POLR2E: variants seen among roughly 807,000 people sequenced by gnomAD.
POLR2E encodes the protein RNA polymerase II, I and III subunit E.
POLR2E carries 35 observed loss-of-function variants against 29.8 expected under a neutral mutation model. That is an observed-to-expected ratio of 1.17 (90% CI 0.90 to 1.55). The LOEUF is 1.55. POLR2E is among the 40% of genes most tolerant of loss of function. The pLI is 0.00. For missense variants in POLR2E, 287 were observed against 288.6 expected (o/e 0.99, Z 0.04); for synonymous variants, 174 against 112.6 (o/e 1.55, Z -3.45).
chr19:1,094,182 A>T (rs1351575941), intron 1 of POLR2E, 104 bp from the exon 2 acceptor site: 11 of 1,054,104 alleles, frequency 1.0e-5, no homozygotes, highest in Admixed American at 2.6e-5. Context: ...GACAGAGGTG[A>T]ACAGCAAACG....
rs2043892955 is a variant in POLR2E, at chr19:1,094,010, G to A, written c.126C>T (p.Ala42=). 8 of 1,613,788 alleles carry A rather than the reference G, an allele frequency of 5.0e-6. No individual in the cohort carries two copies. The highest frequency in any genetic ancestry group is 6.8e-6 in the Non-Finnish European group (8 of 1,179,920). Reference sequence around the variant, plus strand: ...CCTCACTCGGCTTGTCCCCAGATTGGGCTTTGAACTCCTCCAGGGTCTGGT... The same window carrying A: ...CCTCACTCGGCTTGTCCCCAGATTGAGCTTTGAACTCCTCCAGGGTCTGGT... The part of the protein sequence containing the change: ...ELDQTLEEFK[A]QSGDKPSEGR... Residue 42 remains alanine, a synonymous_variant, in exon 2 of 8, where the codon GCC becomes GCT. Transcript: ENST00000615234.
At position 1,090,111 on chromosome 19, in the gene POLR2E, T is replaced by A. The variant is rs1183728535; in HGVS notation, c.464A>T (p.Glu155Val). The change falls in exon 5 of 8, where the codon GAG becomes GTG. Residue 155 changes from glutamate to valine, a missense_variant. Physicochemically the swap from Glu to Val is moderately radical, Grantham distance 121. Transcript: ENST00000615234. The stretch of plus-strand genomic sequence containing the variant: ...CTATCGGGCCAGCAGCTCTGTCACC[T>A]CCTCCTTGGTCATGACGACGTGCTC... ...VPEHVVMTKE[E>V]VTELLARYKL... 2 of 1,612,240 alleles carry A rather than the reference T, an allele frequency of 1.2e-6. No individual in the cohort carries two copies. The highest frequency in any genetic ancestry group is 1.3e-5 in the African/African-American group (1 of 74,772).
In POLR2E at chr19:1,088,215, C is replaced by T. The variant is rs927292646; in HGVS notation, c.*520G>A. 1 of 152,400 alleles carries T rather than the reference C, an allele frequency of 6.6e-6. No individual in the cohort carries two copies. The highest frequency in any genetic ancestry group is 1.5e-5 in the Non-Finnish European group (1 of 68,062). 9.4% of individuals were successfully genotyped at this position (152,400 alleles called of 1,614,324 possible). The stretch of plus-strand genomic sequence containing the variant: ...TCAAAACATCTTTACCATTTGAAAA[C>T]ACCCAACCTCCTACAACAACCGAGA... On this transcript the variant is annotated 3_prime_UTR_variant, in exon 8 of 8. Transcript: ENST00000615234.
intron 1 of POLR2E, chr19:1,095,019 G>A: frequency 8.2e-6 from 3 of 367,798 alleles, no homozygotes; most frequent in South Asian, 3.6e-5. Flanking sequence ...ACCAGCCCAA[G>A]CCGCCCACCC....
chr19:1,091,774 TG>T lies in POLR2E; in HGVS notation c.348+17del. On this transcript the variant is annotated intron_variant, in intron 3 of 7. Transcript: ENST00000615234. ...TGGGGAGGGGGAGAGGCTGGCGGGG[TG>T]GGGCAGGGGTGCCCACCTGCTTGGC... The T allele has an allele frequency of 8.0e-7, 1 of 1,245,664 alleles. No homozygotes were observed. Among genetic ancestry groups the T allele is most frequent in the Non-Finnish European group, 1.1e-6 (1 of 930,194 alleles). The allele number at this position is 1,245,664 out of a possible 1,614,324, so 77.2% of individuals were successfully genotyped here.
chr19:1,091,924 T>C lies in POLR2E; in HGVS notation c.233-17A>G, dbSNP rs776943926. 1.3e-6 allele frequency: 2 copies of C among 1,571,952 alleles called. No homozygotes were observed. Among genetic ancestry groups the C allele is most frequent in the South Asian group, 2.2e-5 (2 of 90,286 alleles). ...TGGGCTCCTCTGCAGACAGAGAGTG[T>C]GCTGGCCTGCACGAGCCTGGGCCCT... On this transcript the variant is annotated splice_polypyrimidine_tract_variant and intron_variant, in intron 2 of 7. Transcript: ENST00000615234.
chr19:1,090,021 T>TGG (rs61585798), intron 5 of POLR2E, 59 bp from the exon 6 acceptor site: 5 of 1,358,308 alleles, frequency 3.7e-6, no homozygotes, highest in African/African-American at 1.5e-5. Context: ...GGGGTGTGTG[T>TGG]GGGGGGGGAA....
At position 1,090,170 on chromosome 19, in the gene POLR2E, C is replaced by CA. The variant is rs1453151069; in HGVS notation, c.430-26dup. ...GCTGCCGAGAGAGGAAGCCACCAGG[C>CA]ATCACCAAGGGCTGGTGAGACCCCA... On this transcript the variant is annotated intron_variant, in intron 4 of 7. Transcript: ENST00000615234. The CA allele has an allele frequency of 1.9e-6, 3 of 1,609,876 alleles. No homozygotes were observed. The Admixed American group carries it at 5.0e-5, about 27-fold the overall frequency.
In POLR2E at chr19:1,091,839, G is replaced by C; in HGVS notation, c.301C>G (p.Arg101Gly). 3 of 1,612,998 alleles carry C rather than the reference G, an allele frequency of 1.9e-6. No individual in the cohort carries two copies. The highest frequency in any genetic ancestry group is 2.5e-6 in the Non-Finnish European group (3 of 1,179,760). The change falls in exon 3 of 8, where the codon CGG becomes GGG. Residue 101 changes from arginine to glycine, a missense_variant. Coordinates refer to ENST00000615234, the MANE Select transcript of POLR2E (RefSeq NM_002695.5). ...CCCTGCTGCACCACGATGAGAGCCC[G>C]TGTGATGTTCTCCTCCTGCATGCGC... is the stretch of plus-strand genomic sequence containing the variant. ...CQRMQEENIT[R>G]ALIVVQQGMT... is the part of the protein sequence containing the mutation.
intron 2 of POLR2E, among the ~76,000 whole-genome samples, chr19:1,092,697 A>G (rs1599795683): frequency 6.6e-6 from 1 of 151,606 alleles, no homozygotes; most frequent in Non-Finnish European, 1.5e-5. Context: ...CAAAAAAATT[A>G]ATTAATTAAT....
At position 1,090,249 on chromosome 19, in the gene POLR2E, T is replaced by C. The variant is rs2043800043; in HGVS notation, c.430-104A>G. The C allele has an allele frequency of 1.7e-5, 16 of 962,872 alleles. No homozygotes were observed. The South Asian group carries it at 2.2e-4, about 13-fold the overall frequency. The allele number at this position is 962,872 out of a possible 1,614,324, so 59.6% of individuals were successfully genotyped here. ...TGCGCCTTCAGACGGACAAGAGCCC[T>C]GAACCCCACCCCGATCCCCGGCACT... On this transcript the variant is annotated intron_variant, in intron 4 of 7. Transcript: ENST00000615234.
rs940788935 is a variant in POLR2E, at chr19:1,087,586, A to G, written c.*1149T>C. Reference sequence around the variant, plus strand: ...TCCCGGGAACCCCCATCCTACTTCCAGTCTCTGACGACTCTAGTGACCTCC... The same window carrying G: ...TCCCGGGAACCCCCATCCTACTTCCGGTCTCTGACGACTCTAGTGACCTCC... On this transcript the variant is annotated 3_prime_UTR_variant, in exon 8 of 8. Coordinates refer to ENST00000615234, the MANE Select transcript of POLR2E (RefSeq NM_002695.5). The G allele has an allele frequency of 1.3e-5, 2 of 150,488 alleles. No individual in the cohort carries two copies. The highest frequency in any genetic ancestry group is 4.9e-5 in the African/African-American group (2 of 40,968). The allele number at this position is 150,488 out of a possible 1,614,324, so 9.3% of individuals were successfully genotyped here. A position where few individuals can be genotyped will look rare whatever the true frequency, so the allele number is the denominator to read the frequency against.
At chr19:1,090,628 C>G (rs2043809235) in intron 4 of POLR2E, among the ~76,000 whole-genome samples, 1 of 151,980 alleles carries the variant, frequency 6.6e-6, no homozygotes, top group Non-Finnish European at 1.5e-5. Context: ...CCGTGTTAGC[C>G]AGGATGGTCT....
intron 6 of POLR2E, 93 bp from the exon 7 acceptor site, chr19:1,089,644 C>A: frequency 9.0e-7 from 1 of 1,113,310 alleles, no homozygotes; most frequent in Non-Finnish European, 1.4e-6. Context: ...TGGGGATGGC[C>A]GGCAGGGGTC....
chr19:1,093,985 C>T lies in POLR2E; in HGVS notation c.151G>A (p.Gly51Arg). The change falls in exon 2 of 8, where the codon GGG (glycine) becomes AGG (arginine). Residue 51 changes from glycine to arginine, a missense_variant. Gly to Arg is a moderately radical substitution (Grantham distance 125, BLOSUM62 -2). Transcript: ENST00000615234. ...KAQSGDKPSEGRPRRTDLTVL... is the reference protein window; with the variant it reads ...KAQSGDKPSERRPRRTDLTVL... ...GTGAGGTCCGTGCGCCGCGGCCGCC[C>T]CTCACTCGGCTTGTCCCCAGATTGG... 1 of 1,613,786 alleles carries T rather than the reference C, an allele frequency of 6.2e-7. No homozygotes were observed. Among genetic ancestry groups the T allele is most frequent in the Non-Finnish European group, 8.5e-7 (1 of 1,179,910 alleles).
Position 1,089,976 on chromosome 19 carries a change from T to A in POLR2E, c.489-14A>T, listed in dbSNP as rs1467675976. 1 of 1,491,672 alleles carries A rather than the reference T, an allele frequency of 6.7e-7. No homozygotes were observed. The highest frequency in any genetic ancestry group is 1.8e-5 in the Admixed American group (1 of 54,138). 92.4% of individuals were successfully genotyped at this position (1,491,672 alleles called of 1,614,324 possible). On this transcript the variant is annotated splice_polypyrimidine_tract_variant and intron_variant, in intron 5 of 7. Coordinates refer to ENST00000615234, the MANE Select transcript of POLR2E (RefSeq NM_002695.5). Reference sequence around the variant, plus strand: ...TCTCGGAGCTTACTGCGAAGCACCGTCAGGAAAATGCCAGACAGGGCCGTT... The same window carrying A: ...TCTCGGAGCTTACTGCGAAGCACCGACAGGAAAATGCCAGACAGGGCCGTT...
At position 1,093,992 on chromosome 19, in the gene POLR2E, C is replaced by A. The variant is rs370164381; in HGVS notation, c.144G>T (p.Pro48=). 3 of 1,613,728 alleles carry A rather than the reference C, an allele frequency of 1.9e-6. No homozygotes were observed. Among genetic ancestry groups the A allele is most frequent in the Non-Finnish European group, 2.5e-6 (3 of 1,179,950 alleles). The stretch of plus-strand genomic sequence containing the variant: ...CCGTGCGCCGCGGCCGCCCCTCACT[C>A]GGCTTGTCCCCAGATTGGGCTTTGA... ...EEFKAQSGDK[P]SEGRPRRTDL... Residue 48 remains proline (P), a synonymous_variant, in exon 2 of 8, where the codon CCG becomes CCT. Transcript: ENST00000615234.
rs1297383239 is a variant in POLR2E, at chr19:1,091,909, T to C, written c.233-2A>G. ...TCTTGATGCCCACCTTGGGCTCCTC[T>C]GCAGACAGAGAGTGTGCTGGCCTGC... On this transcript the variant is annotated splice_acceptor_variant, in intron 2 of 7. Coordinates refer to ENST00000615234, the MANE Select transcript of POLR2E (RefSeq NM_002695.5). LOFTEE classifies it high-confidence loss of function. 6.2e-7 allele frequency: 1 copy of C among 1,601,980 alleles called. No homozygotes were observed. Among genetic ancestry groups the C allele is most frequent in the Non-Finnish European group, 8.5e-7 (1 of 1,170,304 alleles).
In POLR2E at chr19:1,087,288, G is replaced by A. The variant is rs747228980; in HGVS notation, c.*1447C>T. Reference sequence around the variant, plus strand: ...CCTGCCTTAGCTCCCAAGTAGCTGGGATTACAGGCATGCACCACCACGCCC... The same window carrying A: ...CCTGCCTTAGCTCCCAAGTAGCTGGAATTACAGGCATGCACCACCACGCCC... On this transcript the variant is annotated 3_prime_UTR_variant, in exon 8 of 8. Transcript: ENST00000615234. 6.6e-6 allele frequency: 1 copy of A among 152,170 alleles called. No homozygotes were observed. Among genetic ancestry groups the A allele is most frequent in the African/African-American group, 2.4e-5 (1 of 41,372 alleles). 9.4% of individuals were successfully genotyped at this position (152,170 alleles called of 1,614,324 possible). A position where few individuals can be genotyped will look rare whatever the true frequency, so the allele number is the denominator to read the frequency against.
Sources: allele counts gnomAD v4.1 joint callset (sites outside exome capture counted in the v4.1 genomes callset), GRCh38; gene constraint gnomAD v4.1.1; transcripts MANE v1.5; gene names NCBI Gene and HGNC (gene_info 2026-07-23, HGNC 2026-07-21).